NHEJ1: variants seen among roughly 807,000 people sequenced by gnomAD.
NHEJ1 encodes non-homologous end joining factor 1.
In NHEJ1, 22 loss-of-function variants were observed where a neutral mutation model predicts 39.4. That is an observed-to-expected ratio of 0.56 (90% CI 0.40 to 0.80). NHEJ1 has a LOEUF of 0.80. NHEJ1 is among the 30% of genes least tolerant of loss of function. The pLI, the probability that NHEJ1 is intolerant of heterozygous loss-of-function variation, is 0.00. For synonymous variants in NHEJ1, 154 were observed against 135.6 expected, an observed-to-expected ratio of 1.14 and a Z score of -0.94; for missense variants, 329 against 357.1, an observed-to-expected ratio of 0.92 and a Z score of 0.63.
intron 5 of NHEJ1, among the ~76,000 whole-genome samples, chr2:219,089,832 A>G (rs1462109353): frequency 1.3e-5 from 2 of 152,132 alleles, no homozygotes; most frequent in East Asian, 3.8e-4. Flanking sequence ...TCTCCACTCT[A>G]TTTCCTCTTT....
chr2:219,154,927 T>A (rs1055626550), intron 3 of NHEJ1, among the ~76,000 whole-genome samples: 1 of 147,510 alleles, frequency 6.8e-6, no homozygotes, highest in East Asian at 1.9e-4. Flanking sequence ...TAATATAGAT[T>A]AATATAACAT....
intron 5 of NHEJ1, 21 bp from the exon 6 acceptor site, chr2:219,078,227 T>C (rs966597962): frequency 6.2e-5 from 98 of 1,580,688 alleles, no homozygotes; most frequent in Non-Finnish European, 7.9e-5. Flanking sequence ...GAGGAGATAC[T>C]GTCATTGGTT....
chr2:219,079,418 A>C (rs762729785), intron 5 of NHEJ1, among the ~76,000 whole-genome samples: 6 of 152,228 alleles, frequency 3.9e-5, no homozygotes, highest in Admixed American at 1.3e-4. Flanking sequence ...AAGCCCTCTC[A>C]TGGGAGAAGA....
intron 5 of NHEJ1, among the ~76,000 whole-genome samples, chr2:219,139,213 G>A (rs1394111932): frequency 6.6e-6 from 1 of 151,988 alleles, no homozygotes; most frequent in African/African-American, 2.4e-5. Flanking sequence ...TCAGCCTCCT[G>A]AGTAGCTGGG....
At chr2:219,140,120 G>A (rs1949676339) in intron 5 of NHEJ1, among the ~76,000 whole-genome samples, 1 of 152,192 alleles carries the variant, frequency 6.6e-6, no homozygotes, top group African/African-American at 2.4e-5. Flanking sequence ...CCAATGTAAA[G>A]GCCTAAAGGC....
At chr2:219,105,279 T>C (rs1207164386) in intron 5 of NHEJ1, among the ~76,000 whole-genome samples, 1 of 152,224 alleles carries the variant, frequency 6.6e-6, no homozygotes, top group South Asian at 2.1e-4. Flanking sequence ...TGTTATTGAC[T>C]TGTCAAAGAT....
rs1559186002 is a variant in NHEJ1 at position 219,080,693 on chromosome 2, A to ATATATATGCTAATATATATGCT, written c.589-2488_589-2487insAGCATATATATTAGCATATATA. Reference sequence around the variant, plus strand: ...TTTATATATGCTAATATATATGCTTATATATATATATGCTAATATATATAT... The same window carrying ATATATATGCTAATATATATGCT: ...TTTATATATGCTAATATATATGCTTATATATATGCTAATATATATGCTTATATATATATGCTAATATATATAT... On this transcript the variant is annotated intron_variant, in intron 5 of 7. Transcript: ENST00000356853. 1.6e-3 allele frequency among the ~76,000 whole-genome samples: 151 copies of ATATATATGCTAATATATATGCT among 92,106 alleles called. 21 individuals carry two copies. Among genetic ancestry groups the ATATATATGCTAATATATATGCT allele is most frequent in the African/African-American group, 7.3e-3 (121 of 16,476 alleles). The allele number at this position is 92,106 out of a possible 152,430, so 60.4% of individuals were successfully genotyped here. A position where few individuals can be genotyped will look rare whatever the true frequency, so the allele number is the denominator to read the frequency against.
At chr2:219,158,085 G>C (rs1281324316) in intron 2 of NHEJ1, 101 bp downstream of exon 2, 6 of 1,099,032 alleles carry the variant, frequency 5.5e-6, no homozygotes, top group East Asian at 2.9e-5. Context: ...ACATTAACTG[G>C]AATTGTCTCA....
intron 5 of NHEJ1, among the ~76,000 whole-genome samples, chr2:219,130,831 G>C (rs185386866): frequency 1.1e-4 from 16 of 152,326 alleles, no homozygotes; most frequent in African/African-American, 3.4e-4. Flanking sequence ...CCTCAGGTGT[G>C]TAATCCCAGC....
intron 5 of NHEJ1, among the ~76,000 whole-genome samples, chr2:219,123,750 G>A (rs1949491582): frequency 6.6e-6 from 1 of 152,014 alleles, no homozygotes; most frequent in South Asian, 2.1e-4. Flanking sequence ...AGCTCTGCCT[G>A]AAAAGCTGAT....
chr2:219,146,549 T>C (rs1434396688), intron 5 of NHEJ1, 131 bp downstream of exon 5: 2 of 791,938 alleles, frequency 2.5e-6, no homozygotes, highest in African/African-American at 1.7e-5. Context: ...AGACTTTCTA[T>C]GGGCAACTTT....
At chr2:219,157,953 G>A (rs1949870912) in intron 2 of NHEJ1, among the ~76,000 whole-genome samples, 1 of 150,720 alleles carries the variant, frequency 6.6e-6, no homozygotes, top group African/African-American at 2.4e-5. Context: ...CATGCATAGG[G>A]TAGGGAAACT....
rs1421128363 is a variant in NHEJ1, at chr2:219,069,787, A to T, written c.*6594T>A. On this transcript the variant is annotated 3_prime_UTR_variant, in exon 8 of 8. Coordinates refer to ENST00000356853, the MANE Select transcript of NHEJ1 (RefSeq NM_024782.3). ...CTCCAGAGAATGGGCTATATTGCTG[A>T]CCAGGAAGGGAGATATAGGAAGCCT... 2 of 152,250 alleles carry T rather than the reference A, an allele frequency of 1.3e-5. No individual in the cohort carries two copies. Among genetic ancestry groups the T allele is most frequent in the African/African-American group, 4.8e-5 (2 of 41,460 alleles). The allele number at this position is 152,250 out of a possible 1,614,324, so 9.4% of individuals were successfully genotyped here. A position where few individuals can be genotyped will look rare whatever the true frequency, so the allele number is the denominator to read the frequency against.
At chr2:219,137,898 T>C (rs1203015950) in intron 5 of NHEJ1, among the ~76,000 whole-genome samples, 1 of 152,198 alleles carries the variant, frequency 6.6e-6, no homozygotes, top group Non-Finnish European at 1.5e-5. Context: ...AGCTCTTTGA[T>C]GGCAATATTA....
rs770621909 is a variant in NHEJ1, at chr2:219,080,546, T to TA, written c.589-2341dup. Among the ~76,000 whole-genome samples the TA allele has an allele frequency of 4.5e-4, 61 of 134,810 alleles. 2 individuals carry two copies. The highest frequency in any genetic ancestry group is 3.7e-3 in the Admixed American group (51 of 13,858). The allele number at this position is 134,810 out of a possible 152,430, so 88.4% of individuals were successfully genotyped here. A position where few individuals can be genotyped will look rare whatever the true frequency, so the allele number is the denominator to read the frequency against. Reference sequence around the variant, plus strand: ...TCTTAAAAAAAAATAAATAAATAAATAAAAATATATATATATATATATGCT... The same window carrying TA: ...TCTTAAAAAAAAATAAATAAATAAATAAAAAATATATATATATATATATGCT... On this transcript the variant is annotated intron_variant, in intron 5 of 7. Coordinates refer to ENST00000356853, the MANE Select transcript of NHEJ1 (RefSeq NM_024782.3).
At chr2:219,157,991 T>TCTCA (rs1179798749) in intron 2 of NHEJ1, among the ~76,000 whole-genome samples, 195 bp downstream of exon 2, 18 of 99,176 alleles carry the variant, frequency 1.8e-4, no homozygotes, top group African/African-American at 5.8e-4. Context: ...TCTCTCTCTC[T>TCTCA]CACACACACA....
chr2:219,082,262 CTT>C (rs1396196309), intron 5 of NHEJ1, among the ~76,000 whole-genome samples: 1 of 152,220 alleles, frequency 6.6e-6, no homozygotes, highest in Non-Finnish European at 1.5e-5. Context: ...ATATCAGAAA[CTT>C]TAGGCAAACC....
chr2:219,137,724 C>T (rs1229788158), intron 5 of NHEJ1, among the ~76,000 whole-genome samples: 1 of 152,082 alleles, frequency 6.6e-6, no homozygotes, highest in African/African-American at 2.4e-5. Context: ...CATTCTTATT[C>T]TTATTTTCCA....
chr2:219,159,370 T>A (rs930346169), intron 1 of NHEJ1: 10 of 151,820 alleles, frequency 6.6e-5, no homozygotes, highest in African/African-American at 2.4e-4. Flanking sequence ...TCCTTCATTA[T>A]TCCAGTCTAC....
Sources: allele counts gnomAD v4.1 joint callset (sites outside exome capture counted in the v4.1 genomes callset), GRCh38; gene constraint gnomAD v4.1.1; transcripts MANE v1.5; gene names NCBI Gene and HGNC (gene_info 2026-07-23, HGNC 2026-07-21).